ANKRD30B: variants seen among roughly 807,000 people sequenced by gnomAD.
ANKRD30B encodes ankyrin repeat domain-containing protein 30B.
Under a neutral mutation model 202.2 loss-of-function variants are expected in ANKRD30B, and 144 were observed. That is an observed-to-expected ratio of 0.71 (90% CI 0.62 to 0.82). The LOEUF (loss-of-function observed/expected upper bound fraction) is 0.82, where lower values mean the gene tolerates loss of function less well. ANKRD30B is among the 40% of genes least tolerant of loss of function. The probability of loss-of-function intolerance (pLI) is 0.00; values close to 1 mark genes in which losing one functional copy is unlikely to be tolerated. For missense variants in ANKRD30B, 1,487 were observed against 1,669.1 expected (o/e 0.89, Z 1.90); for synonymous variants, 508 against 561.3 (o/e 0.91, Z 1.34).
intron 39 of ANKRD30B, among the ~76,000 whole-genome samples, chr18:14,844,313 A>G (rs1018673231): frequency 1.3e-5 from 2 of 152,252 alleles, no homozygotes; most frequent in African/African-American, 4.8e-5. Flanking sequence ...TATTTCAAGT[A>G]TCACTATGTA....
the ANKRD30B span, among the ~76,000 whole-genome samples, chr18:14,904,583 C>G: frequency 6.6e-6 from 1 of 152,140 alleles, no homozygotes; most frequent in African/African-American, 2.4e-5. Flanking sequence ...TTTCCTCATT[C>G]TCCCTCATGT....
At chr18:14,769,034 G>A (rs1049498186) in intron 7 of ANKRD30B, among the ~76,000 whole-genome samples, 1 of 152,118 alleles carries the variant, frequency 6.6e-6, no homozygotes, top group Non-Finnish European at 1.5e-5. Context: ...TCAAGGTATG[G>A]TCCCAAAGGA....
chr18:14,771,446 A>G (rs1967001378), intron 8 of ANKRD30B, among the ~76,000 whole-genome samples: 1 of 152,220 alleles, frequency 6.6e-6, no homozygotes, highest in Non-Finnish European at 1.5e-5. Flanking sequence ...GACCTGAACA[A>G]GGAAGGACAA....
At position 14,787,071 on chromosome 18, in the gene ANKRD30B, G is replaced by T. The variant is rs776079298; in HGVS notation, c.1705G>T (p.Asp569Tyr). The T allele has an allele frequency of 1.2e-6, 2 of 1,609,442 alleles. No individual in the cohort carries two copies. Among genetic ancestry groups the T allele is most frequent in the African/African-American group, 1.3e-5 (1 of 74,784 alleles). The change falls in exon 15 of 44, where the codon GAC becomes TAC. Residue 569 changes from aspartate (D) to tyrosine (Y), a missense_variant. Coordinates refer to ENST00000690538, the MANE Select transcript of ANKRD30B (RefSeq NM_001367607.2). ...QMFPSESKQK[D>Y]DEENSWDSES... ...GTTCCCATCAGAATCCAAACAAAAGGACGATGAAGAAAATTCTTGGGATTC... is the reference window on the plus strand; with the variant it reads ...GTTCCCATCAGAATCCAAACAAAAGTACGATGAAGAAAATTCTTGGGATTC...
At chr18:14,787,647 A>C (rs1968172893) in intron 15 of ANKRD30B, among the ~76,000 whole-genome samples, 1 of 152,208 alleles carries the variant, frequency 6.6e-6, no homozygotes, top group African/African-American at 2.4e-5. Flanking sequence ...TAATAACAAG[A>C]GTATTGGTTG....
At chr18:14,766,493 A>AAAAAGAAAGAAAAGAAAAGAAAAGAAAAG (rs1916226984) in intron 7 of ANKRD30B, among the ~76,000 whole-genome samples, 1 of 85,002 alleles carries the variant, frequency 1.2e-5, no homozygotes, top group African/African-American at 3.9e-5. Flanking sequence ...AAAAAAAAAA[A>AAAAAGAAAGAAAAGAAAAGAAAAGAAAAG]AAAAGAAAAG....
In ANKRD30B at chr18:14,808,409, A is replaced by G. The variant is rs577698701; in HGVS notation, c.2285-142A>G. Reference sequence around the variant, plus strand: ...CCCATTGGCATGTTAACAAATACAAAAACCCAAAAGACCCCAAAACCTAGT... The same window carrying G: ...CCCATTGGCATGTTAACAAATACAAGAACCCAAAAGACCCCAAAACCTAGT... On this transcript the variant is annotated intron_variant, in intron 24 of 43. Coordinates refer to ENST00000690538, the MANE Select transcript of ANKRD30B (RefSeq NM_001367607.2). 97 of 907,334 alleles carry G rather than the reference A, an allele frequency of 1.1e-4. 3 individuals are homozygous for G. In the South Asian group the frequency reaches 1.3e-3, roughly 12 times the overall value. 56.2% of individuals were successfully genotyped at this position (907,334 alleles called of 1,614,324 possible).
chr18:14,852,253 G>A lies in ANKRD30B; in HGVS notation c.4309G>A (p.Val1437Ile). 1 of 1,556,808 alleles carries A rather than the reference G, an allele frequency of 6.4e-7. No individual in the cohort carries two copies. The highest frequency in any genetic ancestry group is 8.7e-7 in the Non-Finnish European group (1 of 1,149,824). The change falls in exon 42 of 44, where the codon GTT becomes ATT. Residue 1437 changes from valine to isoleucine, a missense_variant. Val to Ile is a conservative substitution (Grantham distance 29). This residue lies in a region of ANKRD30B where 182 missense variants were observed against 216.0 expected (regional missense o/e 0.84). Coordinates refer to ENST00000690538, the MANE Select transcript of ANKRD30B (RefSeq NM_001367607.2). ...AAATAGGTGGCTTCGACAGCAATTA[G>A]TTTATGCACATAAGAAAGTTAACAA... ...SKNRWLRQQL[V>I]YAHKKVNKSK...
chr18:14,793,535 A>G (rs1968665913), intron 16 of ANKRD30B, among the ~76,000 whole-genome samples: 1 of 151,862 alleles, frequency 6.6e-6, no homozygotes, highest in African/African-American at 2.4e-5. Flanking sequence ...ATGGGTGTAC[A>G]ATGTTCTTGT....
intron 1 of ANKRD30B, among the ~76,000 whole-genome samples, chr18:14,751,590 CA>C (rs1268058368): frequency 6.6e-6 from 1 of 152,054 alleles, no homozygotes; most frequent in Non-Finnish European, 1.5e-5. Flanking sequence ...TATTAATCAT[CA>C]AAAATACCTA....
At chr18:14,863,962 CAATA>C in the ANKRD30B span, among the ~76,000 whole-genome samples, 1 of 151,416 alleles carries the variant, frequency 6.6e-6, no homozygotes, top group African/African-American at 2.4e-5. Flanking sequence ...ATATGCAAAT[CAATA>C]AATGTGATTT....
chr18:14,796,087 A>G lies in ANKRD30B; in HGVS notation c.1826-134A>G. ...CATGTTAACAAATACAAAAGCCCAA[A>G]AGACCCCAAAACCTAGTGTAATCCC... On this transcript the variant is annotated intron_variant, in intron 16 of 43. Coordinates refer to ENST00000690538, the MANE Select transcript of ANKRD30B (RefSeq NM_001367607.2). The G allele has an allele frequency of 4.0e-6, 4 of 990,008 alleles. No individual in the cohort carries two copies. The South Asian group carries it at 5.2e-5, about 13-fold the overall frequency. The allele number at this position is 990,008 out of a possible 1,614,324, so 61.3% of individuals were successfully genotyped here. A position where few individuals can be genotyped will look rare whatever the true frequency, so the allele number is the denominator to read the frequency against.
At chr18:14,934,438 C>T in the ANKRD30B span, among the ~76,000 whole-genome samples, 1 of 152,228 alleles carries the variant, frequency 6.6e-6, no homozygotes, top group Non-Finnish European at 1.5e-5. Context: ...CCCTGCCTCC[C>T]CACCTCAGTC....
the ANKRD30B span, among the ~76,000 whole-genome samples, chr18:14,895,271 G>A: frequency 1.3e-5 from 2 of 151,374 alleles, no homozygotes; most frequent in Non-Finnish European, 2.9e-5. Context: ...TGTACCCCCT[G>A]AATCTAAAAT....
chr18:14,821,269 T>A (rs1482314775), intron 30 of ANKRD30B, among the ~76,000 whole-genome samples: 1 of 152,184 alleles, frequency 6.6e-6, no homozygotes, highest in Admixed American at 6.6e-5. Context: ...TCTTTATTAG[T>A]CTTGCTAGCG....
chr18:14,925,804 C>T, the ANKRD30B span, among the ~76,000 whole-genome samples: 4 of 152,150 alleles, frequency 2.6e-5, no homozygotes, highest in Non-Finnish European at 4.4e-5. Context: ...GCCCCGGACC[C>T]AGAGGCCCGA....
At chr18:14,757,671 A>C in intron 4 of ANKRD30B, 144 bp from the exon 5 acceptor site, 1 of 876,428 alleles carries the variant, frequency 1.1e-6, no homozygotes, top group Non-Finnish European at 1.6e-6. Context: ...CCTTCCTTTT[A>C]GATTTGGTGG....
At chr18:14,894,764 A>AAC in the ANKRD30B span, among the ~76,000 whole-genome samples, 7 of 151,604 alleles carry the variant, frequency 4.6e-5, no homozygotes, top group African/African-American at 1.7e-4. Flanking sequence ...ATTATGTTTA[A>AAC]GGCTATAGAT....
chr18:14,798,584 T>C (rs537673882), intron 20 of ANKRD30B, among the ~76,000 whole-genome samples: 2 of 152,088 alleles, frequency 1.3e-5, no homozygotes, highest in East Asian at 1.9e-4. Flanking sequence ...CTAAAGAGGC[T>C]AGAAGAGCCG....
Sources: gnomAD v4.1 joint callset for allele counts (sites outside exome capture counted in the v4.1 genomes callset) on GRCh38, gnomAD v4.1.1 for gene constraint, gnomAD v4.1.1 regional missense constraint, MANE v1.5 for transcripts, NCBI Gene and HGNC (gene_info 2026-07-23, HGNC 2026-07-21) for gene names.